Variants in GRID2 observed in about 807,000 individuals in gnomAD.
GRID2 encodes the protein glutamate receptor ionotropic, delta-2.
A neutral mutation model predicts 114.8 loss-of-function variants in GRID2; 33 were observed. The observed-to-expected ratio is 0.29, with a 90% CI of 0.22 to 0.38. The LOEUF (loss-of-function observed/expected upper bound fraction) is 0.38. Ranked by LOEUF, GRID2 falls within the 10% of genes least tolerant of loss-of-function variation. The probability of loss-of-function intolerance (pLI) is 1.00; values close to 1 mark genes in which losing one functional copy is unlikely to be tolerated. For missense variants in GRID2, 1,184 were observed against 1,257.7 expected (o/e 0.94, Z 0.89); for synonymous variants, 505 against 449.9 (o/e 1.12, Z -1.55).
intron 4 of GRID2, among the ~76,000 whole-genome samples, chr4:93,148,154 G>A (rs1736422140): frequency 1.3e-5 from 2 of 152,184 alleles, no homozygotes; most frequent in Non-Finnish European, 1.5e-5. Context: ...GAGTGTAATT[G>A]TTTAATGCCT....
At chr4:92,799,235 G>A (rs1008468691) in intron 2 of GRID2, among the ~76,000 whole-genome samples, 10 of 151,892 alleles carry the variant, frequency 6.6e-5, no homozygotes, top group African/African-American at 1.7e-4. Context: ...TAATGAAGGC[G>A]CAACCTAGAT....
intron 12 of GRID2, among the ~76,000 whole-genome samples, chr4:93,511,072 G>T (rs1041907372): frequency 6.6e-6 from 1 of 152,042 alleles, no homozygotes; most frequent in Non-Finnish European, 1.5e-5. Context: ...GAGTAGCTGG[G>T]ATTACAGGTG....
In GRID2 at chr4:92,414,908, T is replaced by C. The variant is rs185641408; in HGVS notation, c.88+110164T>C. On this transcript the variant is annotated intron_variant, in intron 1 of 15. Transcript: ENST00000282020. ...ATCTTAGGAGCTGATTATATTGCAGTGGAAATTTGTCTCGCTTCATTATTC... is the reference window on the plus strand; with the variant it reads ...ATCTTAGGAGCTGATTATATTGCAGCGGAAATTTGTCTCGCTTCATTATTC... 3.3e-3 allele frequency among the ~76,000 whole-genome samples: 501 copies of C among 152,242 alleles called. 2 individuals are homozygous for C. The highest frequency in any genetic ancestry group is 0.012 in the African/African-American group (478 of 41,526).
intron 2 of GRID2, among the ~76,000 whole-genome samples, chr4:92,647,066 T>C (rs1731680601): frequency 6.6e-6 from 1 of 152,222 alleles, no homozygotes; most frequent in Non-Finnish European, 1.5e-5. Context: ...TCGGTTAGAG[T>C]GGGACTGAGA....
At chr4:93,553,217 A>G (rs542891683) in intron 13 of GRID2, among the ~76,000 whole-genome samples, 2 of 152,226 alleles carry the variant, frequency 1.3e-5, no homozygotes, top group African/African-American at 4.8e-5. Context: ...CACTGTGGAC[A>G]GTGGTTGAAC....
At chr4:93,772,008 ACTT>A (rs1364334024) in intron 15 of GRID2, 65 bp from the exon 16 acceptor site, 2 of 865,424 alleles carry the variant, frequency 2.3e-6, no homozygotes, top group Non-Finnish European at 3.7e-6. Context: ...TTGCTGAACT[ACTT>A]TTTTTTTTTT....
chr4:92,614,239 T>C (rs1322244054), intron 2 of GRID2, among the ~76,000 whole-genome samples: 1 of 151,616 alleles, frequency 6.6e-6, no homozygotes, highest in African/African-American at 2.4e-5. Flanking sequence ...TATGCTTCCA[T>C]GAGACCAGTT....
intron 12 of GRID2, among the ~76,000 whole-genome samples, chr4:93,514,515 G>A (rs745727215): frequency 4.0e-5 from 6 of 151,398 alleles, no homozygotes; most frequent in South Asian, 2.1e-4. Context: ...AGTGTCTTGC[G>A]TTGGAAATAC....
intron 3 of GRID2, among the ~76,000 whole-genome samples, chr4:93,086,981 G>A (rs904569558): frequency 1.3e-5 from 2 of 151,796 alleles, no homozygotes; most frequent in Admixed American, 6.6e-5. Context: ...CTTTATTTAA[G>A]CGGGGAGAAC....
chr4:93,263,362 A>G (rs1338888522), intron 8 of GRID2, among the ~76,000 whole-genome samples: 1 of 151,940 alleles, frequency 6.6e-6, no homozygotes, highest in Admixed American at 6.6e-5. Flanking sequence ...GACTCATACC[A>G]TCTGCTTCCT....
At chr4:93,380,444 G>A (rs1391659021) in intron 8 of GRID2, among the ~76,000 whole-genome samples, 1 of 150,628 alleles carries the variant, frequency 6.6e-6, no homozygotes. Flanking sequence ...GGGGCAGTTT[G>A]TTATGGCAGC....
At chr4:92,861,956 A>G (rs1271994043) in intron 2 of GRID2, among the ~76,000 whole-genome samples, 1 of 151,828 alleles carries the variant, frequency 6.6e-6, no homozygotes, top group Non-Finnish European at 1.5e-5. Context: ...TTATTGTCTG[A>G]CGCCCACTAT....
intron 13 of GRID2, among the ~76,000 whole-genome samples, chr4:93,526,681 T>C (rs1347513167): frequency 6.6e-6 from 1 of 152,066 alleles, no homozygotes; most frequent in Non-Finnish European, 1.5e-5. Flanking sequence ...TGGTGGCGCA[T>C]GCCTGTAATC....
At chr4:92,499,308 A>T (rs1723556111) in intron 1 of GRID2, among the ~76,000 whole-genome samples, 1 of 152,096 alleles carries the variant, frequency 6.6e-6, no homozygotes, top group African/African-American at 2.4e-5. Context: ...ATTCTCCAGC[A>T]GTTTATATTT....
intron 2 of GRID2, among the ~76,000 whole-genome samples, chr4:92,792,896 T>A (rs1578198236): frequency 6.8e-6 from 1 of 146,038 alleles, no homozygotes; most frequent in African/African-American, 2.7e-5. Flanking sequence ...AATATCCATT[T>A]TTTTTTTTTT....
chr4:93,713,343 T>G (rs1728643752), intron 14 of GRID2, among the ~76,000 whole-genome samples: 1 of 152,034 alleles, frequency 6.6e-6, no homozygotes, highest in Admixed American at 6.6e-5. Flanking sequence ...GTTTGTTTGT[T>G]GTTGTTGTTC....
At chr4:92,971,023 A>G (rs1753479102) in intron 2 of GRID2, among the ~76,000 whole-genome samples, 2 of 151,876 alleles carry the variant, frequency 1.3e-5, no homozygotes, top group South Asian at 4.2e-4. Context: ...TTAAAAAAAA[A>G]AATTTGTACA....
intron 8 of GRID2, among the ~76,000 whole-genome samples, chr4:93,262,626 C>T (rs935303642): frequency 2.0e-5 from 3 of 151,864 alleles, no homozygotes; most frequent in Non-Finnish European, 2.9e-5. Flanking sequence ...AAAGAAAAAT[C>T]ATTCGTAATC....
intron 9 of GRID2, among the ~76,000 whole-genome samples, chr4:93,421,113 C>T (rs932281626): frequency 6.6e-6 from 1 of 152,178 alleles, no homozygotes; most frequent in Non-Finnish European, 1.5e-5. Context: ...ACATAGACTT[C>T]TCTCCTTTCT....
Sources: allele counts gnomAD v4.1 joint callset (sites outside exome capture counted in the v4.1 genomes callset), GRCh38; gene constraint gnomAD v4.1.1; transcripts MANE v1.5; gene names NCBI Gene and HGNC (gene_info 2026-07-23, HGNC 2026-07-21).